GALNS: variants seen among roughly 807,000 people sequenced by gnomAD.
GALNS encodes the protein galactosamine (N-acetyl)-6-sulfatase.
GALNS carries 65 observed loss-of-function variants against 65.9 expected under a neutral mutation model. That is an observed-to-expected ratio of 0.99 (90% CI 0.81 to 1.21). The LOEUF (loss-of-function observed/expected upper bound fraction) is 1.21, where lower values mean the gene tolerates loss of function less well. GALNS is among the 50% of genes most tolerant of loss of function. GALNS has a pLI of 0.00. For synonymous variants in GALNS, 346 were observed against 288.9 expected, an observed-to-expected ratio of 1.20 and a Z score of -2.00; for missense variants, 776 against 700.7, an observed-to-expected ratio of 1.11 and a Z score of -1.21.
At position 88,824,813 on chromosome 16, in the gene GALNS, T is replaced by G. The variant is rs1267791852; in HGVS notation, c.1196A>C (p.Lys399Thr). 6.2e-7 allele frequency: 1 copy of G among 1,613,420 alleles called. No individual in the cohort carries two copies. Among genetic ancestry groups the G allele is most frequent in the Non-Finnish European group, 8.5e-7 (1 of 1,180,004 alleles). The change falls in exon 11 of 14, where the codon AAG (lysine) becomes ACG (threonine). Residue 399 changes from lysine (K) to threonine (T), a missense_variant. Lys to Thr is a moderately conservative substitution (Grantham distance 78). Coordinates refer to ENST00000268695, the MANE Select transcript of GALNS (RefSeq NM_000512.5). ...TLMAATLGQH[K>T]AHFWTWTNSW... ...GTTGGTCCAGGTCCAGAAGTGAGCC[T>G]TGTGCTGCCCGAGGGTGGCCGCCAT... is the stretch of plus-strand genomic sequence containing the variant.
intron 9 of GALNS, 147 bp from the exon 10 acceptor site, chr16:88,826,985 C>T (rs1009013986): frequency 8.4e-5 from 84 of 998,442 alleles, no homozygotes; most frequent in Non-Finnish European, 1.0e-4. Context: ...AGGGACTGAG[C>T]GGGGTCACAA....
rs553905193 is a variant in GALNS at position 88,815,987 on chromosome 16, G to A, written c.1483-1462C>T. The A allele has an allele frequency of 2.6e-5, 26 of 985,284 alleles. No individual in the cohort carries two copies. In the South Asian group the frequency reaches 3.8e-4, roughly 14 times the overall value. 61.0% of individuals were successfully genotyped at this position (985,284 alleles called of 1,614,324 possible). Reference sequence around the variant, plus strand: ...CTCCTGGGGCTGGCCTGGAGTTGGCGGGGACAGAGGGCAGGGAAGGGGTAA... The same window carrying A: ...CTCCTGGGGCTGGCCTGGAGTTGGCAGGGACAGAGGGCAGGGAAGGGGTAA... On this transcript the variant is annotated intron_variant, in intron 13 of 13. Coordinates refer to ENST00000268695, the MANE Select transcript of GALNS (RefSeq NM_000512.5).
Position 88,836,222 on chromosome 16 carries a change from G to C in GALNS, c.612C>G (p.Asn204Lys), listed in dbSNP as rs118204435. The change falls in exon 6 of 14, where the codon AAC becomes AAG. Residue 204 changes from asparagine to lysine, a missense_variant. Transcript: ENST00000268695. ...TCACCTGCAGGTAGATCTGGGTGAGGTTGGCTTCCCCCGTCTTCAGATTAA... is the reference window on the plus strand; with the variant it reads ...TCACCTGCAGGTAGATCTGGGTGAGCTTGGCTTCCCCCGTCTTCAGATTAA... ...FPINLKTGEA[N>K]LTQIYLQEAL... 2 of 1,613,454 alleles carry C rather than the reference G, an allele frequency of 1.2e-6. No individual in the cohort carries two copies. Among genetic ancestry groups the C allele is most frequent in the East Asian group, 4.5e-5 (2 of 44,904 alleles).
chr16:88,856,598 C>G lies in GALNS; in HGVS notation c.120+160G>C, dbSNP rs1387552038. 9 of 569,494 alleles carry G rather than the reference C, an allele frequency of 1.6e-5. 1 individual carries two copies. In the Middle Eastern group the frequency reaches 1.9e-3, roughly 118 times the overall value. 35.3% of individuals were successfully genotyped at this position (569,494 alleles called of 1,614,324 possible). A position where few individuals can be genotyped will look rare whatever the true frequency, so the allele number is the denominator to read the frequency against. On this transcript the variant is annotated intron_variant, in intron 1 of 13. Coordinates refer to ENST00000268695, the MANE Select transcript of GALNS (RefSeq NM_000512.5). ...ACGGGGATACCCCCCGTCCCCTCCC[C>G]CTCCTCCTCCCCGCGCGGGGCCTCC...
Position 88,842,171 on chromosome 16 carries a change from C to A in GALNS, c.245-200G>T, listed in dbSNP as rs916699597. On this transcript the variant is annotated intron_variant, in intron 2 of 13. Transcript: ENST00000268695. ...ACGGCACCCATTCCACTGAAAGACGCGTGGCCCTTGGGCCCTGCAGCTCAG... is the reference window on the plus strand; with the variant it reads ...ACGGCACCCATTCCACTGAAAGACGAGTGGCCCTTGGGCCCTGCAGCTCAG... The A allele has an allele frequency of 2.2e-5, 15 of 670,370 alleles. No homozygotes were observed. In the Admixed American group the frequency reaches 3.1e-4, roughly 14 times the overall value. 41.5% of individuals were successfully genotyped at this position (670,370 alleles called of 1,614,324 possible). A position where few individuals can be genotyped will look rare whatever the true frequency, so the allele number is the denominator to read the frequency against.
chr16:88,824,806 G>A lies in GALNS; in HGVS notation c.1203C>T (p.His401=). 2 of 1,613,478 alleles carry A rather than the reference G, an allele frequency of 1.2e-6. No individual in the cohort carries two copies. The highest frequency in any genetic ancestry group is 1.7e-6 in the Non-Finnish European group (2 of 1,180,012). ...MAATLGQHKA[H]FWTWTNSWEN... is the part of the protein sequence containing the mutation. Reference sequence around the variant, plus strand: ...CCCAGGAGTTGGTCCAGGTCCAGAAGTGAGCCTTGTGCTGCCCGAGGGTGG... The same window carrying A: ...CCCAGGAGTTGGTCCAGGTCCAGAAATGAGCCTTGTGCTGCCCGAGGGTGG... The change falls in exon 11 of 14, where the codon CAC becomes CAT. Residue 401 remains histidine, a synonymous_variant. Coordinates refer to ENST00000268695, the MANE Select transcript of GALNS (RefSeq NM_000512.5).
intron 12 of GALNS, among the ~76,000 whole-genome samples, chr16:88,821,660 C>G (rs11076718): frequency 0.42 from 63,480 of 152,066 alleles, 13,636 homozygotes; most frequent in East Asian, 0.63. Flanking sequence ...AGCCTCAGGG[C>G]ACCTTGGCGG....
At chr16:88,817,253 ACG>A (rs1169555966) in intron 13 of GALNS, 60 of 984,982 alleles carry the variant, frequency 6.1e-5, no homozygotes, top group Non-Finnish European at 6.6e-5. Context: ...GGACAAGACG[ACG>A]ACGCATCCTT....
chr16:88,839,209 A>G (rs1267454211), intron 4 of GALNS, among the ~76,000 whole-genome samples: 1 of 148,058 alleles, frequency 6.8e-6, no homozygotes, highest in Admixed American at 6.7e-5. Context: ...CCACGTCCAC[A>G]GGTCACCGCC....
At position 88,816,423 on chromosome 16, in the gene GALNS, T is replaced by C. The variant is rs1018608103; in HGVS notation, c.1482+1584A>G. ...GGTCCTGAGACAGGGACCTCCCTGC[T>C]CCACCACTGAGTCCAGAGGCGGGGA... On this transcript the variant is annotated intron_variant, in intron 13 of 13. Coordinates refer to ENST00000268695, the MANE Select transcript of GALNS (RefSeq NM_000512.5). The C allele has an allele frequency of 1.9e-5, 19 of 985,378 alleles. No homozygotes were observed. In the African/African-American group the frequency reaches 3.0e-4, roughly 15 times the overall value. 61.0% of individuals were successfully genotyped at this position (985,378 alleles called of 1,614,324 possible).
At chr16:88,841,832 C>T in intron 3 of GALNS, 65 bp downstream of exon 3, 1 of 1,434,358 alleles carries the variant, frequency 7.0e-7, no homozygotes, top group Non-Finnish European at 9.7e-7. Context: ...ACACGGGCAC[C>T]ACCCGTAGCC....
At chr16:88,850,067 G>C (rs1334545442) in intron 1 of GALNS, among the ~76,000 whole-genome samples, 1 of 152,206 alleles carries the variant, frequency 6.6e-6, no homozygotes, top group Non-Finnish European at 1.5e-5. Context: ...CCACCTCCCC[G>C]AGTGCAGATT....
At chr16:88,826,032 G>C (rs190713726) in intron 10 of GALNS, among the ~76,000 whole-genome samples, 1 of 152,142 alleles carries the variant, frequency 6.6e-6, no homozygotes, top group Non-Finnish European at 1.5e-5. Flanking sequence ...TGGACAGAAG[G>C]TAAGAGCTGG....
At chr16:88,819,056 C>A (rs1274079169) in intron 12 of GALNS, among the ~76,000 whole-genome samples, 1 of 152,212 alleles carries the variant, frequency 6.6e-6, no homozygotes. Context: ...GAGCCCGGAC[C>A]CACTGAAGCC....
intron 5 of GALNS, among the ~76,000 whole-genome samples, chr16:88,836,741 C>T (rs1053306442): frequency 1.3e-5 from 2 of 152,146 alleles, no homozygotes; most frequent in Non-Finnish European, 1.5e-5. Flanking sequence ...CCCCAGGGCA[C>T]GGTCTTGCAT....
At chr16:88,820,178 G>A (rs1202770255) in intron 12 of GALNS, among the ~76,000 whole-genome samples, 2 of 151,772 alleles carry the variant, frequency 1.3e-5, no homozygotes, top group East Asian at 3.9e-4. Flanking sequence ...ACCCAGGCTG[G>A]AGTGCAGTGG....
intron 2 of GALNS, chr16:88,842,301 TCTC>T (rs1482825814): frequency 5.7e-6 from 3 of 523,512 alleles, no homozygotes; most frequent in East Asian, 6.9e-5. Flanking sequence ...TGCCCTGCCT[TCTC>T]CTCTTCCTCA....
At chr16:88,838,318 G>A (rs560946375) in intron 4 of GALNS, among the ~76,000 whole-genome samples, 3 of 152,118 alleles carry the variant, frequency 2.0e-5, no homozygotes, top group Admixed American at 1.3e-4. Flanking sequence ...CGGGAGCCCC[G>A]GGGCCTGCCA....
At chr16:88,840,433 G>A (rs189433472) in intron 4 of GALNS, 109 of 178,080 alleles carry the variant, frequency 6.1e-4, no homozygotes, top group Middle Eastern at 2.6e-3. Context: ...TCACTCAGGC[G>A]TCCCAGGGAG....
Sources: allele counts gnomAD v4.1 joint callset (sites outside exome capture counted in the v4.1 genomes callset), GRCh38; gene constraint gnomAD v4.1.1; transcripts MANE v1.5; gene names NCBI Gene and HGNC (gene_info 2026-07-23, HGNC 2026-07-21).